The following KIRREL3 variants were observed in gnomAD, a reference collection of about 807,000 sequenced individuals.
KIRREL3 encodes the protein kirre like nephrin family adhesion molecule 3, also known as kin of IRRE-like protein 3.
Under a neutral mutation model 89.7 loss-of-function variants are expected in KIRREL3, and 36 were observed. That is an observed-to-expected ratio of 0.40 (90% CI 0.31 to 0.53). The LOEUF (loss-of-function observed/expected upper bound fraction) is 0.53, where lower values mean the gene tolerates loss of function less well. Ranked by LOEUF, KIRREL3 falls within the 20% of genes least tolerant of loss-of-function variation. KIRREL3 has a pLI of 0.49. For synonymous variants in KIRREL3, 445 were observed against 441.4 expected (o/e 1.01, Z -0.10); for missense variants, 864 against 1,056.6 (o/e 0.82, Z 2.53).
At chr11:126,759,700 G>A (rs963026592) in intron 1 of KIRREL3, among the ~76,000 whole-genome samples, 2 of 152,190 alleles carry the variant, frequency 1.3e-5, no homozygotes, top group African/African-American at 4.8e-5. Context: ...ACATAAAGAA[G>A]CCTGCTTATG....
intron 1 of KIRREL3, among the ~76,000 whole-genome samples, chr11:126,658,284 T>C (rs1379291446): frequency 6.6e-6 from 1 of 152,250 alleles, no homozygotes; most frequent in Non-Finnish European, 1.5e-5. Context: ...TGGTTATTTT[T>C]ATACCTTTCA....
intron 1 of KIRREL3, among the ~76,000 whole-genome samples, chr11:126,792,635 C>T (rs1357026214): frequency 6.6e-6 from 1 of 152,176 alleles, no homozygotes; most frequent in Non-Finnish European, 1.5e-5. Context: ...TTGGATACAA[C>T]TCAATTACCC....
chr11:126,828,619 C>G (rs1443163353), intron 1 of KIRREL3, among the ~76,000 whole-genome samples: 1 of 152,080 alleles, frequency 6.6e-6, no homozygotes, highest in East Asian at 1.9e-4. Context: ...CCTCACTGGA[C>G]CCGAGAATGG....
At position 126,744,759 on chromosome 11, in the gene KIRREL3, T is replaced by C. The variant is rs1949088660; in HGVS notation, c.56-181847A>G. 6.6e-6 allele frequency among the ~76,000 whole-genome samples: 1 copy of C among 151,998 alleles called. No individual in the cohort carries two copies. The highest frequency in any genetic ancestry group is 2.4e-5 in the African/African-American group (1 of 41,368). Reference sequence around the variant, plus strand: ...TTTATAATGCTCATGCCAATGTCAATGTTTTGAATGCTGCCTTCCCTGCTA... The same window carrying C: ...TTTATAATGCTCATGCCAATGTCAACGTTTTGAATGCTGCCTTCCCTGCTA... On this transcript the variant is annotated intron_variant, in intron 1 of 16. Transcript: ENST00000525144. The surrounding 1 kb of genome is among the most constrained non-coding windows in gnomAD (Gnocchi z 4.7).
At position 126,562,558 on chromosome 11, in the gene KIRREL3, T is replaced by C. The variant is rs968732844; in HGVS notation, c.133+277A>G. ...GCTGTGGGGTGGGGTGCGGAAGAAA[T>C]GGTAGGGAAGAGAGAGGAAGAGAAG... On this transcript the variant is annotated intron_variant, in intron 2 of 16. Coordinates refer to ENST00000525144, the MANE Select transcript of KIRREL3 (RefSeq NM_032531.4). This position sits in a 1 kb window ranked among gnomAD's most constrained non-coding sequence, Gnocchi z 4.7. Among the ~76,000 whole-genome samples the C allele has an allele frequency of 4.6e-5, 7 of 151,406 alleles. No homozygotes were observed. Among genetic ancestry groups the C allele is most frequent in the African/African-American group, 1.7e-4 (7 of 41,126 alleles).
chr11:126,832,133 C>T (rs1943628542), intron 1 of KIRREL3, among the ~76,000 whole-genome samples: 1 of 152,108 alleles, frequency 6.6e-6, no homozygotes, highest in South Asian at 2.1e-4. Flanking sequence ...GATTCCACAA[C>T]AAGAGGGAGT....
At chr11:126,774,957 C>T (rs549882554) in intron 1 of KIRREL3, among the ~76,000 whole-genome samples, 1 of 152,310 alleles carries the variant, frequency 6.6e-6, no homozygotes, top group African/African-American at 2.4e-5. Context: ...CACCCCACAG[C>T]ACTCCAGGAT....
rs1047726809 is a variant in KIRREL3, at chr11:126,513,670, G to A, written c.433+7645C>T. 3.9e-5 allele frequency among the ~76,000 whole-genome samples: 6 copies of A among 152,294 alleles called. No homozygotes were observed. The highest frequency in any genetic ancestry group is 1.4e-4 in the African/African-American group (6 of 41,558). Reference sequence around the variant, plus strand: ...GGGAGATGGAGTGGGTAAAGAGACAGAGGCCATGCCTGCCCATGGTAACAT... The same window carrying A: ...GGGAGATGGAGTGGGTAAAGAGACAAAGGCCATGCCTGCCCATGGTAACAT... On this transcript the variant is annotated intron_variant, in intron 4 of 16. Coordinates refer to ENST00000525144, the MANE Select transcript of KIRREL3 (RefSeq NM_032531.4). The surrounding 1 kb of genome is among the most constrained non-coding windows in gnomAD (Gnocchi z 5.9).
rs544298701 is a variant in KIRREL3, at chr11:126,994,730, T to C, written c.55+5725A>G. Reference sequence around the variant, plus strand: ...TGAGTGAATGAAAGTTAACGTGCAGTAGGGGGAGGTTCAATGGGGGAGAAG... The same window carrying C: ...TGAGTGAATGAAAGTTAACGTGCAGCAGGGGGAGGTTCAATGGGGGAGAAG... On this transcript the variant is annotated intron_variant, in intron 1 of 16. Coordinates refer to ENST00000525144, the MANE Select transcript of KIRREL3 (RefSeq NM_032531.4). This position sits in a 1 kb window ranked among gnomAD's most constrained non-coding sequence, Gnocchi z 5.2. Among the ~76,000 whole-genome samples the C allele has an allele frequency of 6.6e-6, 1 of 152,254 alleles. No homozygotes were observed. The highest frequency in any genetic ancestry group is 6.5e-5 in the Admixed American group (1 of 15,290).
intron 1 of KIRREL3, among the ~76,000 whole-genome samples, chr11:126,836,466 A>G (rs1943784348): frequency 9.7e-6 from 1 of 103,384 alleles, no homozygotes; most frequent in South Asian, 4.5e-4. Context: ...CGGAAGATGA[A>G]CAGAGTGCCT....
Position 126,526,452 on chromosome 11 carries a change from G to T in KIRREL3, c.283+86C>A. 1.5e-6 allele frequency: 2 copies of T among 1,330,702 alleles called. No individual in the cohort carries two copies. Among genetic ancestry groups the T allele is most frequent in the Non-Finnish European group, 2.1e-6 (2 of 961,708 alleles). 82.4% of individuals were successfully genotyped at this position (1,330,702 alleles called of 1,614,324 possible). On this transcript the variant is annotated intron_variant, in intron 3 of 16. Coordinates refer to ENST00000525144, the MANE Select transcript of KIRREL3 (RefSeq NM_032531.4). This position sits in a 1 kb window ranked among gnomAD's most constrained non-coding sequence, Gnocchi z 5.7. ...AGAGATTCGATACTCAGACACCTGT[G>T]AAGATGGGTGCTCCCTAGGAAGGTG...
intron 1 of KIRREL3, among the ~76,000 whole-genome samples, chr11:126,884,401 G>T (rs907177645): frequency 6.6e-6 from 1 of 152,188 alleles, no homozygotes; most frequent in Non-Finnish European, 1.5e-5. Flanking sequence ...CAACCTGCAG[G>T]TATGTCCCAA....
intron 1 of KIRREL3, among the ~76,000 whole-genome samples, chr11:126,646,191 G>A (rs963017041): frequency 6.6e-6 from 1 of 152,030 alleles, no homozygotes; most frequent in Non-Finnish European, 1.5e-5. Context: ...TTGTACCTTC[G>A]AGTCAGCACT....
In KIRREL3 at chr11:126,752,274, G is replaced by A. The variant is rs745791789; in HGVS notation, c.56-189362C>T. Among the ~76,000 whole-genome samples, 2 of 152,100 alleles carry A rather than the reference G, an allele frequency of 1.3e-5. No homozygotes were observed. Among genetic ancestry groups the A allele is most frequent in the African/African-American group, 4.8e-5 (2 of 41,410 alleles). ...AAACCAATAGTTGTCTATGGGTCTT[G>A]GGTTTTGAAACTATCATTAGGAACT... On this transcript the variant is annotated intron_variant, in intron 1 of 16. Coordinates refer to ENST00000525144, the MANE Select transcript of KIRREL3 (RefSeq NM_032531.4). This position sits in a 1 kb window ranked among gnomAD's most constrained non-coding sequence, Gnocchi z 4.8.
chr11:126,862,857 A>T (rs1267129039), intron 1 of KIRREL3, among the ~76,000 whole-genome samples: 2 of 152,318 alleles, frequency 1.3e-5, no homozygotes, highest in East Asian at 3.9e-4. Flanking sequence ...CCCGGTCTAC[A>T]TTGCCAGGCA....
At chr11:126,478,463 G>A (rs566566535) in intron 4 of KIRREL3, among the ~76,000 whole-genome samples, 3 of 152,172 alleles carry the variant, frequency 2.0e-5, no homozygotes, top group African/African-American at 4.8e-5. Context: ...CCGGGGGGAC[G>A]GTTATCATGG....
At chr11:126,986,264 T>A (rs1222275958) in intron 1 of KIRREL3, among the ~76,000 whole-genome samples, 1 of 152,122 alleles carries the variant, frequency 6.6e-6, no homozygotes, top group Admixed American at 6.5e-5. Flanking sequence ...CATTTTTTTT[T>A]ATGAATTGAA....
chr11:126,682,088 A>G lies in KIRREL3; in HGVS notation c.56-119176T>C. The G allele has an allele frequency of 2.9e-6, 1 of 343,892 alleles. No individual in the cohort carries two copies. Among genetic ancestry groups the G allele is most frequent in the Non-Finnish European group, 5.7e-6 (1 of 174,640 alleles). 21.3% of individuals were successfully genotyped at this position (343,892 alleles called of 1,614,324 possible). ...TTTATTTGATGCAAAGCAATAAAAT[A>G]TTCCTCCCTCCTGTGACCACCGAAA... On this transcript the variant is annotated intron_variant, in intron 1 of 16. Transcript: ENST00000525144. This position sits in a 1 kb window ranked among gnomAD's most constrained non-coding sequence, Gnocchi z 4.8.
rs997945242 is a variant in KIRREL3, at chr11:126,668,354, A to C, written c.56-105442T>G. ...TCACCTCCCAAAGGCCTCACCTCCTAATACCGTAGCCTTGGAGGTGAGAAT... is the reference window on the plus strand; with the variant it reads ...TCACCTCCCAAAGGCCTCACCTCCTCATACCGTAGCCTTGGAGGTGAGAAT... On this transcript the variant is annotated intron_variant, in intron 1 of 16. Transcript: ENST00000525144. The surrounding 1 kb of genome is among the most constrained non-coding windows in gnomAD (Gnocchi z 4.4). Among the ~76,000 whole-genome samples, 2 of 152,142 alleles carry C rather than the reference A, an allele frequency of 1.3e-5. No individual in the cohort carries two copies. The highest frequency in any genetic ancestry group is 4.8e-5 in the African/African-American group (2 of 41,412).
Sources: gnomAD v4.1 joint callset for allele counts (sites outside exome capture counted in the v4.1 genomes callset) on GRCh38, gnomAD v4.1.1 for gene constraint, Gnocchi (gnomAD v3.1) non-coding constraint, MANE v1.5 for transcripts, NCBI Gene and HGNC (gene_info 2026-07-23, HGNC 2026-07-21) for gene names.